The following QTMAN variants were observed in gnomAD, a reference collection of about 807,000 sequenced individuals.
The protein encoded by QTMAN is tRNA-queuosine alpha-mannosyltransferase.
chr2:144,164,932 T>A, the QTMAN span, among the ~76,000 whole-genome samples: 1 of 152,230 alleles, frequency 6.6e-6, no homozygotes, highest in Non-Finnish European at 1.5e-5. Context: ...ATAGATGATC[T>A]ATCAATTCAG....
chr2:144,216,110 G>T, the QTMAN span, among the ~76,000 whole-genome samples: 1 of 152,048 alleles, frequency 6.6e-6, no homozygotes, highest in East Asian at 1.9e-4. Flanking sequence ...AGCTGTTTTA[G>T]ACTCTTATAA....
the QTMAN span, among the ~76,000 whole-genome samples, chr2:144,101,394 TCA>T: frequency 0.1 from 15,543 of 150,052 alleles, 1,203 homozygotes; most frequent in East Asian, 0.25. Flanking sequence ...TATCTCTCTC[TCA>T]CACACACACA....
At chr2:144,291,971 C>T in the QTMAN span, among the ~76,000 whole-genome samples, 6 of 152,202 alleles carry the variant, frequency 3.9e-5, no homozygotes, top group East Asian at 1.9e-4. Context: ...ATGAAACATG[C>T]GGGTTCAAAT....
the QTMAN span, among the ~76,000 whole-genome samples, chr2:144,034,139 C>T: frequency 4.6e-5 from 7 of 152,260 alleles, no homozygotes; most frequent in South Asian, 1.2e-3. Context: ...GGAGGTAAAA[C>T]GTATGAACAA....
the QTMAN span, among the ~76,000 whole-genome samples, chr2:144,100,848 AGTCT>A: frequency 1.7e-5 from 2 of 118,654 alleles, no homozygotes; most frequent in Admixed American, 1.7e-4. Context: ...ACTTTCATTT[AGTCT>A]TTCTTTCTTT....
the QTMAN span, among the ~76,000 whole-genome samples, chr2:144,182,840 T>TTATATATATTTTATATATAA: frequency 1.5e-5 from 1 of 64,524 alleles, no homozygotes; most frequent in Non-Finnish European, 2.8e-5. Context: ...TATATATATA[T>TTATATATATTTTATATATAA]TATATATATA....
At chr2:144,118,098 G>A in the QTMAN span, among the ~76,000 whole-genome samples, 1 of 152,004 alleles carries the variant, frequency 6.6e-6, no homozygotes, top group Admixed American at 6.6e-5. Context: ...TGCCCACCTC[G>A]GCCTCCCAAA....
the QTMAN span, among the ~76,000 whole-genome samples, chr2:143,948,336 T>C: frequency 6.6e-6 from 1 of 152,170 alleles, no homozygotes; most frequent in Non-Finnish European, 1.5e-5. Flanking sequence ...GTTTTGTCAA[T>C]GTTGAAGAAC....
chr2:144,197,803 C>T, the QTMAN span, among the ~76,000 whole-genome samples: 75 of 152,200 alleles, frequency 4.9e-4, no homozygotes, highest in Non-Finnish European at 8.7e-4. Context: ...ATCTCCTATA[C>T]TCATCAATAG....
At chr2:144,206,092 CT>C in the QTMAN span, among the ~76,000 whole-genome samples, 4 of 152,124 alleles carry the variant, frequency 2.6e-5, no homozygotes, top group Non-Finnish European at 5.9e-5. Context: ...TAATAAAATA[CT>C]TTTCAGAGAG....
chr2:144,133,272 TA>T, the QTMAN span, among the ~76,000 whole-genome samples: 1 of 69,914 alleles, frequency 1.4e-5, no homozygotes. Context: ...TATAAATATA[TA>T]TTTATATATA....
At chr2:144,114,655 G>A in the QTMAN span, among the ~76,000 whole-genome samples, 1 of 151,948 alleles carries the variant, frequency 6.6e-6, no homozygotes, top group East Asian at 1.9e-4. Context: ...TTATGGGAGT[G>A]TGTTGTATGC....
chr2:144,228,643 G>A, the QTMAN span, among the ~76,000 whole-genome samples: 3 of 152,078 alleles, frequency 2.0e-5, no homozygotes, highest in Non-Finnish European at 2.9e-5. Flanking sequence ...CAATTTTGTG[G>A]GCACCTTAGA....
chr2:144,118,085 A>C, the QTMAN span, among the ~76,000 whole-genome samples: 1 of 152,106 alleles, frequency 6.6e-6, no homozygotes. Flanking sequence ...TGACCTTGTG[A>C]TCTGCCCACC....
At chr2:144,181,406 T>C in the QTMAN span, among the ~76,000 whole-genome samples, 116 of 152,332 alleles carry the variant, frequency 7.6e-4, no homozygotes, top group East Asian at 0.021. Context: ...AAGAAAAATG[T>C]TCAAAGAAAA....
At chr2:143,987,176 T>G in the QTMAN span, among the ~76,000 whole-genome samples, 33 of 152,308 alleles carry the variant, frequency 2.2e-4, no homozygotes, top group East Asian at 6.2e-3. Context: ...GCTCTTTCTA[T>G]GACCTCAAGT....
chr2:143,998,440 G>A, the QTMAN span, among the ~76,000 whole-genome samples: 1 of 150,984 alleles, frequency 6.6e-6, no homozygotes, highest in Non-Finnish European at 1.5e-5. Flanking sequence ...AGAAGGGGGG[G>A]GAAAGCTTAC....
the QTMAN span, among the ~76,000 whole-genome samples, chr2:144,253,170 A>G: frequency 1.3e-5 from 2 of 152,138 alleles, no homozygotes; most frequent in Non-Finnish European, 2.9e-5. Context: ...TCCTGCTGCC[A>G]TGTGAAGGAC....
chr2:144,181,603 C>G, the QTMAN span, among the ~76,000 whole-genome samples: 1 of 152,002 alleles, frequency 6.6e-6, no homozygotes, highest in East Asian at 1.9e-4. Context: ...ACTTTGAGCC[C>G]AGGAGTTCGA....
Sources: allele counts gnomAD v4.1 joint callset (sites outside exome capture counted in the v4.1 genomes callset), GRCh38; gene constraint gnomAD v4.1.1; transcripts MANE v1.5; gene names NCBI Gene and HGNC (gene_info 2026-07-23, HGNC 2026-07-21).